Variants in SLC26A4 observed in about 807,000 individuals in gnomAD.
The protein encoded by SLC26A4 is solute carrier family 26 member 4.
Under a neutral mutation model 90.4 loss-of-function variants are expected in SLC26A4, and 93 were observed. The observed-to-expected ratio is 1.03, with a 90% CI of 0.87 to 1.22. The LOEUF (loss-of-function observed/expected upper bound fraction) is 1.22, where lower values mean the gene tolerates loss of function less well. Among genes scored for constraint, SLC26A4 ranks in the 50% most tolerant of loss-of-function variants. SLC26A4 has a pLI of 0.00. For missense variants in SLC26A4, 1,127 were observed against 946.2 expected, an observed-to-expected ratio of 1.19 and a Z score of -2.51; for synonymous variants, 393 against 354.6, an observed-to-expected ratio of 1.11 and a Z score of -1.22.
chr7:107,706,993 C>T (rs955141328), intron 18 of SLC26A4, among the ~76,000 whole-genome samples: 51 of 152,208 alleles, frequency 3.4e-4, no homozygotes, highest in Non-Finnish European at 4.6e-4. Flanking sequence ...CATGGCAAAA[C>T]GCCGTTACTA....
At chr7:107,696,426 T>C (rs1039994605) in intron 13 of SLC26A4, among the ~76,000 whole-genome samples, 3 of 152,238 alleles carry the variant, frequency 2.0e-5, no homozygotes, top group Non-Finnish European at 4.4e-5. Context: ...AGTTGCTTTG[T>C]AGTTTCTTCT....
chr7:107,695,051 A>C (rs1419076596), intron 12 of SLC26A4, among the ~76,000 whole-genome samples: 1 of 152,220 alleles, frequency 6.6e-6, no homozygotes, highest in Non-Finnish European at 1.5e-5. Context: ...TGCAAAAACA[A>C]AATACAAAAT....
chr7:107,684,130 G>A (rs530300920), intron 8 of SLC26A4, among the ~76,000 whole-genome samples: 16 of 152,202 alleles, frequency 1.1e-4, no homozygotes, highest in African/African-American at 2.4e-4. Flanking sequence ...GAAAACAGCC[G>A]AAGCCTCAAC....
Position 107,712,374 on chromosome 7 carries a change from T to C in SLC26A4, c.2236-165T>C, listed in dbSNP as rs146594737. On this transcript the variant is annotated intron_variant, in intron 19 of 20. Coordinates refer to ENST00000644269, the MANE Select transcript of SLC26A4 (RefSeq NM_000441.2). ...CCTTTCAATGTGCAAAAAAATGATA[T>C]ACAAAAAATTTTAGTTGGGAAATAT... 4.4e-3 allele frequency among the ~76,000 whole-genome samples: 675 copies of C among 152,242 alleles called. 3 individuals are homozygous for C. The highest frequency in any genetic ancestry group is 0.015 in the African/African-American group (632 of 41,544).
chr7:107,677,145 C>T (rs1413227050), intron 6 of SLC26A4, among the ~76,000 whole-genome samples: 1 of 152,170 alleles, frequency 6.6e-6, no homozygotes, highest in Non-Finnish European at 1.5e-5. Flanking sequence ...CCACTGCCTT[C>T]CAGCCTGGGT....
intron 5 of SLC26A4, 77 bp from the exon 6 acceptor site, chr7:107,674,868 C>A: frequency 7.2e-7 from 1 of 1,392,592 alleles, no homozygotes; most frequent in African/African-American, 1.4e-5. Flanking sequence ...TGGTATTAAG[C>A]TTGATGTAAT....
Position 107,694,678 on chromosome 7 carries a change from G to A in SLC26A4, c.1399G>A (p.Asp467Asn). ...GAAAGGGATGTTTATGCAGCTGTGT[G>A]ACATTCCTCGTCTGTGGAGACAGAA... ...NLKGMFMQLC[D>N]IPRLWRQNKI... Residue 467 changes from aspartate (D) to asparagine (N), a missense_variant, in exon 12 of 21, where the codon GAC (aspartate) becomes AAC (asparagine). Coordinates refer to ENST00000644269, the MANE Select transcript of SLC26A4 (RefSeq NM_000441.2). 6.2e-7 allele frequency: 1 copy of A among 1,613,514 alleles called. No homozygotes were observed. Among genetic ancestry groups the A allele is most frequent in the Non-Finnish European group, 8.5e-7 (1 of 1,179,476 alleles).
chr7:107,686,045 A>T (rs1791388631), intron 8 of SLC26A4, among the ~76,000 whole-genome samples: 1 of 143,922 alleles, frequency 6.9e-6, no homozygotes, highest in Non-Finnish European at 1.5e-5. Context: ...TTTCTTTAAC[A>T]GAGTCTCACT....
intron 8 of SLC26A4, among the ~76,000 whole-genome samples, chr7:107,688,264 T>G (rs1791472847): frequency 6.6e-6 from 1 of 152,222 alleles, no homozygotes; most frequent in South Asian, 2.1e-4. Context: ...TGTAGTTTCC[T>G]TATTAAAGAA....
At chr7:107,705,517 C>T (rs549301784) in intron 18 of SLC26A4, among the ~76,000 whole-genome samples, 1 of 152,198 alleles carries the variant, frequency 6.6e-6, no homozygotes, top group African/African-American at 2.4e-5. Context: ...AGGAGACTAC[C>T]TGTTTTAACC....
chr7:107,715,724 C>T lies in SLC26A4; in HGVS notation c.*278C>T, dbSNP rs926083180. The T allele has an allele frequency of 9.9e-6, 5 of 506,810 alleles. No homozygotes were observed. Among genetic ancestry groups the T allele is most frequent in the Middle Eastern group, 5.3e-4 (1 of 1,890 alleles). The allele number at this position is 506,810 out of a possible 1,614,324, so 31.4% of individuals were successfully genotyped here. A position where few individuals can be genotyped will look rare whatever the true frequency, so the allele number is the denominator to read the frequency against. On this transcript the variant is annotated 3_prime_UTR_variant, in exon 21 of 21. Coordinates refer to ENST00000644269, the MANE Select transcript of SLC26A4 (RefSeq NM_000441.2). ...ATCACAGATTTGCTAATAATGTTCA[C>T]GTGGGCCCTGGCATATCTCTGTTCA... is the stretch of plus-strand genomic sequence containing the variant.
At position 107,701,951 on chromosome 7, in the gene SLC26A4, A is replaced by C; in HGVS notation, c.1928A>C (p.Glu643Ala). 1 of 1,613,370 alleles carries C rather than the reference A, an allele frequency of 6.2e-7. No homozygotes were observed. Among genetic ancestry groups the C allele is most frequent in the Non-Finnish European group, 8.5e-7 (1 of 1,179,294 alleles). ...GAGATTCAAGTGGATTGGAACTCTG[A>C]GCTTCCAGTCAAAGTGAACGTTCCC... ...EIEIQVDWNS[E>A]LPVKVNVPKV... Residue 643 changes from glutamate to alanine, a missense_variant, in exon 17 of 21, where the codon GAG becomes GCG. Transcript: ENST00000644269.
rs138816005 is a variant in SLC26A4 at position 107,683,308 on chromosome 7, G to T, written c.872G>T (p.Arg291Leu). 7 of 1,613,500 alleles carry T rather than the reference G, an allele frequency of 4.3e-6. No individual in the cohort carries two copies. In the African/African-American group the frequency reaches 9.4e-5, roughly 22 times the overall value. Residue 291 changes from arginine (R) to leucine (L), a missense_variant, in exon 7 of 21, where the codon CGG becomes CTG. Physicochemically the swap from Arg to Leu is moderately radical, Grantham distance 102. Transcript: ENST00000644269. ...VCMAVKELND[R>L]FRHKIPVPIP... ...ATGGCAGTTAAGGAATTAAATGATCGGTTTAGACACAAAATCCCAGTCCCT... is the reference window on the plus strand; with the variant it reads ...ATGGCAGTTAAGGAATTAAATGATCTGTTTAGACACAAAATCCCAGTCCCT...
intron 14 of SLC26A4, 71 bp from the exon 15 acceptor site, chr7:107,700,012 G>A (rs1791841547): frequency 1.1e-6 from 1 of 915,032 alleles, no homozygotes; most frequent in Non-Finnish European, 1.8e-6. Context: ...TCCTTGCTAA[G>A]TAGCCAGAAA....
Position 107,674,285 on chromosome 7 carries a change from A to G in SLC26A4, c.537A>G (p.Ala179=). 6.2e-7 allele frequency: 1 copy of G among 1,614,018 alleles called. No individual in the cohort carries two copies. Among genetic ancestry groups the G allele is most frequent in the Non-Finnish European group, 8.5e-7 (1 of 1,179,858 alleles). Residue 179 remains alanine (A), a synonymous_variant, in exon 5 of 21, where the codon GCA becomes GCG. Transcript: ENST00000644269. Reference sequence around the variant, plus strand: ...TAAATACTACTATGATAGACACTGCAGCTAGAGATACAGCTAGAGTCCTGA... The same window carrying G: ...TAAATACTACTATGATAGACACTGCGGCTAGAGATACAGCTAGAGTCCTGA... ...TVLNTTMIDT[A]ARDTARVLIA... is the part of the protein sequence containing the mutation.
intron 4 of SLC26A4, 35 bp downstream of exon 4, chr7:107,672,283 C>T (rs1357013968): frequency 7.2e-7 from 1 of 1,390,878 alleles, no homozygotes; most frequent in African/African-American, 1.4e-5. Flanking sequence ...TATATTTGCT[C>T]ATGTTTAAAG....
chr7:107,663,589 C>T (rs1046026595), intron 3 of SLC26A4, among the ~76,000 whole-genome samples, 154 bp downstream of exon 3: 2 of 152,268 alleles, frequency 1.3e-5, no homozygotes, highest in Non-Finnish European at 2.9e-5. Flanking sequence ...TCTCTTCTCC[C>T]CTTCCTTAGA....
At position 107,707,262 on chromosome 7, in the gene SLC26A4, A is replaced by G. The variant is rs957302318; in HGVS notation, c.2090-2792A>G. 5.9e-5 allele frequency among the ~76,000 whole-genome samples: 9 copies of G among 152,380 alleles called. 1 individual carries two copies. The highest frequency in any genetic ancestry group is 6.8e-3 in the Middle Eastern group (2 of 294). ...CAGCAATGTTTCAAATAAAAAAGCCATAAAACCTGTAATTCTTCTCCATCA... is the reference window on the plus strand; with the variant it reads ...CAGCAATGTTTCAAATAAAAAAGCCGTAAAACCTGTAATTCTTCTCCATCA... On this transcript the variant is annotated intron_variant, in intron 18 of 20. Transcript: ENST00000644269.
At position 107,661,655 on chromosome 7, in the gene SLC26A4, G is replaced by A; in HGVS notation, c.14G>A (p.Gly5Asp). Residue 5 changes from glycine to aspartate, a missense_variant, in exon 2 of 21, where the codon GGC (glycine) becomes GAC (aspartate). Physicochemically the swap from Gly to Asp is moderately conservative, Grantham distance 94. Coordinates refer to ENST00000644269, the MANE Select transcript of SLC26A4 (RefSeq NM_000441.2). The surrounding 1 kb of genome is among the most constrained non-coding windows in gnomAD (Gnocchi z 5.1). MAAP[G>D]GRSEPPQLPE... ...GGCTCGCAGGTCATGGCAGCGCCAG[G>A]CGGCAGGTCGGAGCCGCCGCAGCTC... is the stretch of plus-strand genomic sequence containing the variant. 1 of 1,567,068 alleles carries A rather than the reference G, an allele frequency of 6.4e-7. No homozygotes were observed. Among genetic ancestry groups the A allele is most frequent in the Non-Finnish European group, 8.6e-7 (1 of 1,161,988 alleles).
Sources: allele counts gnomAD v4.1 joint callset (sites outside exome capture counted in the v4.1 genomes callset), GRCh38; gene constraint gnomAD v4.1.1; non-coding constraint Gnocchi (gnomAD v3.1); transcripts MANE v1.5; gene names NCBI Gene and HGNC (gene_info 2026-07-23, HGNC 2026-07-21).